The following CNIH3 variants were observed in gnomAD, a reference collection of about 807,000 sequenced individuals.
CNIH3 encodes the protein cornichon family AMPA receptor auxiliary protein 3, also known as protein cornichon homolog 3.
In CNIH3, 14 loss-of-function variants were observed where a neutral mutation model predicts 24.1. The observed-to-expected ratio is 0.58, with a 90% CI of 0.38 to 0.91. The LOEUF (loss-of-function observed/expected upper bound fraction) is 0.91, where lower values mean the gene tolerates loss of function less well. CNIH3 is among the 40% of genes least tolerant of loss of function. The pLI is 0.00. For synonymous variants in CNIH3, 68 were observed against 73.8 expected (o/e 0.92, Z 0.40); for missense variants, 178 against 196.8 (o/e 0.90, Z 0.57).
intron 2 of CNIH3, among the ~76,000 whole-genome samples, chr1:224,536,284 CTTTTTTTT>C (rs373201561): frequency 3.5e-5 from 3 of 86,046 alleles, no homozygotes; most frequent in African/African-American, 1.5e-4. Context: ...TAATTGTTGT[CTTTTTTTT>C]TTTTTTTTTT....
chr1:224,443,878 C>T (rs1300877643), intron 1 of CNIH3, among the ~76,000 whole-genome samples: 2 of 152,028 alleles, frequency 1.3e-5, no homozygotes, highest in Non-Finnish European at 2.9e-5. Context: ...TTTATGGAAG[C>T]TGCATTGCTA....
At chr1:224,609,308 C>T (rs1448988443) in intron 3 of CNIH3, among the ~76,000 whole-genome samples, 1 of 151,980 alleles carries the variant, frequency 6.6e-6, no homozygotes, top group African/African-American at 2.4e-5. Flanking sequence ...CTCTATTCTT[C>T]TACATCTTTT....
chr1:224,595,535 A>C (rs1681943333), intron 3 of CNIH3, among the ~76,000 whole-genome samples: 1 of 152,222 alleles, frequency 6.6e-6, no homozygotes, highest in Non-Finnish European at 1.5e-5. Flanking sequence ...CAATTTAGGC[A>C]AATTAATAAC....
In CNIH3 at chr1:224,616,510, C is replaced by A; in HGVS notation, c.-665C>A. 5 of 987,648 alleles carry A rather than the reference C, an allele frequency of 5.1e-6. No individual in the cohort carries two copies. Among genetic ancestry groups the A allele is most frequent in the Non-Finnish European group, 6.0e-6 (5 of 831,050 alleles). The allele number at this position is 987,648 out of a possible 1,614,324, so 61.2% of individuals were successfully genotyped here. A position where few individuals can be genotyped will look rare whatever the true frequency, so the allele number is the denominator to read the frequency against. On this transcript the variant is annotated 5_prime_UTR_variant, in exon 1 of 6. Coordinates refer to ENST00000272133, the MANE Select transcript of CNIH3 (RefSeq NM_152495.2). ...TGCGGAGGCCGGCTGGCCGGAGTCA[C>A]GGTTGGGGACGGGCGCGCCTCGGAG... is the stretch of plus-strand genomic sequence containing the variant.
chr1:224,606,103 G>A (rs1260205798), intron 3 of CNIH3, among the ~76,000 whole-genome samples: 1 of 152,172 alleles, frequency 6.6e-6, no homozygotes, highest in African/African-American at 2.4e-5. Context: ...AGTAAACACT[G>A]TGTGGTCTCG....
At chr1:224,492,588 A>T (rs1677275498) in intron 1 of CNIH3, among the ~76,000 whole-genome samples, 2 of 152,170 alleles carry the variant, frequency 1.3e-5, no homozygotes, top group Non-Finnish European at 2.9e-5. Context: ...CTACATAATC[A>T]TTATTGTTTG....
intron 1 of CNIH3, among the ~76,000 whole-genome samples, chr1:224,659,871 G>A (rs1166779597): frequency 2.6e-5 from 4 of 152,190 alleles, no homozygotes; most frequent in Non-Finnish European, 5.9e-5. Flanking sequence ...GAAAAAAGCT[G>A]AAAGCAGCAA....
At chr1:224,630,353 T>G (rs1289212140) in intron 1 of CNIH3, among the ~76,000 whole-genome samples, 1 of 152,114 alleles carries the variant, frequency 6.6e-6, no homozygotes, top group Non-Finnish European at 1.5e-5. Context: ...CTGGGGGTTG[T>G]TGGGGGCATG....
In CNIH3 at chr1:224,734,611, G is replaced by A. The variant is rs374772285; in HGVS notation, c.360G>A (p.Pro120=). 111 of 1,614,178 alleles carry A rather than the reference G, an allele frequency of 6.9e-5. No individual in the cohort carries two copies. Among genetic ancestry groups the A allele is most frequent in the Middle Eastern group, 3.3e-4 (2 of 6,060 alleles). The change falls in exon 5 of 6, where the codon CCG becomes CCA. Residue 120 remains proline (P), a synonymous_variant. Transcript: ENST00000272133. ...ADSSELAYDP[P]VVMNADTLSY... ...GCTCAGAACTAGCCTACGACCCACCGGTGGTCATGAATGCCGACACTTTGA... is the reference window on the plus strand; with the variant it reads ...GCTCAGAACTAGCCTACGACCCACCAGTGGTCATGAATGCCGACACTTTGA...
chr1:224,463,175 C>T (rs531764593), intron 1 of CNIH3, among the ~76,000 whole-genome samples: 3 of 152,180 alleles, frequency 2.0e-5, no homozygotes, highest in Admixed American at 1.3e-4. Flanking sequence ...GGATTACAGG[C>T]GTGAGGCACT....
intron 1 of CNIH3, among the ~76,000 whole-genome samples, chr1:224,623,588 C>G (rs1322339194): frequency 6.6e-6 from 1 of 152,136 alleles, no homozygotes; most frequent in African/African-American, 2.4e-5. Context: ...GTCCCCCACC[C>G]CTGACTGCCT....
chr1:224,696,790 G>T (rs1558304766), intron 3 of CNIH3, among the ~76,000 whole-genome samples: 1 of 152,118 alleles, frequency 6.6e-6, no homozygotes. Flanking sequence ...GTGTGTGTGT[G>T]TGTGTGTATG....
chr1:224,442,013 ATT>A (rs1167622615), intron 1 of CNIH3, among the ~76,000 whole-genome samples: 19 of 119,976 alleles, frequency 1.6e-4, no homozygotes, highest in East Asian at 6.7e-4. Flanking sequence ...GATTCCCTTA[ATT>A]TTTTTTTTTT....
At chr1:224,643,348 A>G (rs974783244) in intron 1 of CNIH3, among the ~76,000 whole-genome samples, 7 of 152,232 alleles carry the variant, frequency 4.6e-5, no homozygotes, top group African/African-American at 1.7e-4. Flanking sequence ...TCTTTTGGAC[A>G]TCGGTTCCAG....
At chr1:224,611,784 CTG>C (rs946179712), upstream of CNIH3, among the ~76,000 whole-genome samples, 1 of 152,244 alleles carries the variant, frequency 6.6e-6, no homozygotes, top group African/African-American at 2.4e-5. Flanking sequence ...CCTTCCTCTA[CTG>C]TGTCACTAGT....
At chr1:224,652,453 G>T (rs1029369464) in intron 1 of CNIH3, among the ~76,000 whole-genome samples, 4 of 152,134 alleles carry the variant, frequency 2.6e-5, no homozygotes, top group African/African-American at 7.2e-5. Context: ...AGAAGTGTCC[G>T]TTCCAAGCAG....
chr1:224,488,968 A>G (rs1677138594), intron 1 of CNIH3, among the ~76,000 whole-genome samples: 1 of 152,104 alleles, frequency 6.6e-6, no homozygotes, highest in Non-Finnish European at 1.5e-5. Flanking sequence ...ACTAATTCCA[A>G]TGTATGAATC....
At chr1:224,720,973 T>C (rs1688692290) in intron 3 of CNIH3, among the ~76,000 whole-genome samples, 3 of 152,140 alleles carry the variant, frequency 2.0e-5, no homozygotes, top group African/African-American at 7.2e-5. Flanking sequence ...ATAGTATAAC[T>C]CATCCTTTAA....
intron 4 of CNIH3, among the ~76,000 whole-genome samples, chr1:224,571,501 G>A (rs559039916): frequency 4.9e-4 from 74 of 152,118 alleles, no homozygotes; most frequent in African/African-American, 1.7e-3. Flanking sequence ...GAGGTGGACG[G>A]ATCACTTGAG....
Sources: gnomAD v4.1 joint callset for allele counts (sites outside exome capture counted in the v4.1 genomes callset) on GRCh38, gnomAD v4.1.1 for gene constraint, MANE v1.5 for transcripts, NCBI Gene and HGNC (gene_info 2026-07-23, HGNC 2026-07-21) for gene names.